Variants in PTK2 observed in about 807,000 individuals in gnomAD.
The protein encoded by PTK2 is focal adhesion kinase 1.
PTK2 carries 45 observed loss-of-function variants against 150.1 expected under a neutral mutation model. That is an observed-to-expected ratio of 0.30 (90% CI 0.24 to 0.38). The LOEUF (loss-of-function observed/expected upper bound fraction) is 0.38. Among genes scored for constraint, PTK2 ranks in the 10% least tolerant of loss-of-function variants. The pLI is 1.00. For missense variants in PTK2, 919 were observed against 1,307.3 expected, an observed-to-expected ratio of 0.70 and a Z score of 4.58; for synonymous variants, 432 against 449.2, an observed-to-expected ratio of 0.96 and a Z score of 0.48.
At chr8:140,978,646 C>T (rs2100190229) in intron 1 of PTK2, among the ~76,000 whole-genome samples, 1 of 151,548 alleles carries the variant, frequency 6.6e-6, no homozygotes, top group Admixed American at 6.6e-5. Context: ...AATAGGAACA[C>T]TTTTACACTG....
At chr8:140,926,456 G>A (rs2100169501) in intron 1 of PTK2, among the ~76,000 whole-genome samples, 1 of 152,148 alleles carries the variant, frequency 6.6e-6, no homozygotes, top group Non-Finnish European at 1.5e-5. Context: ...ATGAATCACA[G>A]TGAGGACCAA....
intron 7 of PTK2, among the ~76,000 whole-genome samples, chr8:140,841,478 A>T (rs1488767221): frequency 1.3e-5 from 2 of 152,144 alleles, no homozygotes; most frequent in African/African-American, 4.8e-5. Context: ...AAAATGTAAA[A>T]ACAGAAATGA....
At chr8:140,803,003 A>ATGTTTTTTTT (rs1596239214) in intron 11 of PTK2, among the ~76,000 whole-genome samples, 1 of 117,266 alleles carries the variant, frequency 8.5e-6, no homozygotes, top group East Asian at 3.4e-4. Flanking sequence ...CTTGATGACA[A>ATGTTTTTTTT]TCTTTTTTTT....
rs112316667 is a variant in PTK2 at position 140,695,648 on chromosome 8, C to T, written c.2499+5243G>A. Among the ~76,000 whole-genome samples, 451 of 152,240 alleles carry T rather than the reference C, an allele frequency of 3.0e-3. 2 individuals are homozygous for T. The highest frequency in any genetic ancestry group is 0.01 in the African/African-American group (427 of 41,528). On this transcript the variant is annotated intron_variant, in intron 26 of 31. Transcript: ENST00000522684. ...AACTCCTGACCTCAGATGATCCATC[C>T]GCCTCAGCCTCCCAAAGTACTGGGA...
intron 4 of PTK2, among the ~76,000 whole-genome samples, chr8:140,869,540 T>A (rs2100141297): frequency 1.3e-5 from 2 of 152,206 alleles, no homozygotes; most frequent in Admixed American, 1.3e-4. Flanking sequence ...TAATGAATGA[T>A]CACGATGTCA....
chr8:140,918,814 G>A lies in PTK2; in HGVS notation c.-33+6847C>T, dbSNP rs77189448. On this transcript the variant is annotated intron_variant, in intron 2 of 31. Coordinates refer to ENST00000522684, the Ensembl canonical transcript of PTK2. ...TTTAGAATGTCTAACTGCAGATAGA[G>A]ATTTGTATATTCTTTGGATTTGAGC... Among the ~76,000 whole-genome samples, 6 of 152,320 alleles carry A rather than the reference G, an allele frequency of 3.9e-5. No individual in the cohort carries two copies. In the East Asian group the frequency reaches 1.2e-3, roughly 29 times the overall value.
intron 7 of PTK2, among the ~76,000 whole-genome samples, chr8:140,845,858 G>A (rs1325264095): frequency 6.6e-6 from 1 of 152,082 alleles, no homozygotes; most frequent in Non-Finnish European, 1.5e-5. Context: ...AAAATTTCTA[G>A]TTATTCTAGA....
intron 7 of PTK2, among the ~76,000 whole-genome samples, chr8:140,841,214 C>G (rs2100122147): frequency 6.6e-6 from 1 of 152,078 alleles, no homozygotes; most frequent in African/African-American, 2.4e-5. Flanking sequence ...GCAAATACAA[C>G]AAAATGTTAA....
intron 1 of PTK2, among the ~76,000 whole-genome samples, chr8:140,985,575 T>C (rs1440063768): frequency 6.6e-6 from 1 of 152,162 alleles, no homozygotes. Context: ...TTTTCCCCCA[T>C]CCTTCCCCTC....
chr8:140,710,602 T>C lies in PTK2; in HGVS notation c.2143-4397A>G, dbSNP rs531559724. Among the ~76,000 whole-genome samples the C allele has an allele frequency of 3.8e-4, 58 of 151,342 alleles. No homozygotes were observed. In the South Asian group the frequency reaches 6.5e-3, roughly 17 times the overall value. On this transcript the variant is annotated intron_variant, in intron 23 of 31. Transcript: ENST00000522684. ...GTGAGAATAGCTTGAACCCGGGAGG[T>C]AGAGGTTGCGGTGAGCCGAGATCGC...
intron 26 of PTK2, among the ~76,000 whole-genome samples, chr8:140,700,617 G>C (rs979788571): frequency 6.6e-6 from 1 of 151,692 alleles, no homozygotes; most frequent in African/African-American, 2.4e-5. Flanking sequence ...CCAAGTAGCT[G>C]GGATTACAGG....
intron 1 of PTK2, among the ~76,000 whole-genome samples, chr8:140,983,465 T>G (rs1253286078): frequency 6.6e-6 from 1 of 151,910 alleles, no homozygotes; most frequent in Admixed American, 6.6e-5. Context: ...AAAGGAATAC[T>G]ATGTAGTTGT....
At chr8:140,837,296 T>C (rs1309711299) in intron 7 of PTK2, among the ~76,000 whole-genome samples, 3 of 152,148 alleles carry the variant, frequency 2.0e-5, no homozygotes, top group African/African-American at 7.2e-5. Context: ...TGGTTCTTCC[T>C]AGATTGGAAA....
chr8:140,992,217 G>A (rs989858154), intron 1 of PTK2, among the ~76,000 whole-genome samples: 4 of 150,454 alleles, frequency 2.7e-5, no homozygotes, highest in African/African-American at 4.9e-5. Flanking sequence ...GCTTGAACCC[G>A]AGAGGCAGAG....
At chr8:140,793,029 TA>T (rs2100089424) in intron 13 of PTK2, among the ~76,000 whole-genome samples, 1 of 152,220 alleles carries the variant, frequency 6.6e-6, no homozygotes, top group Non-Finnish European at 1.5e-5. Context: ...TTCATACTTG[TA>T]AAATAGCCAG....
chr8:140,834,639 G>A (rs1597855800), intron 7 of PTK2, among the ~76,000 whole-genome samples: 2 of 152,232 alleles, frequency 1.3e-5, no homozygotes, highest in Admixed American at 6.5e-5. Context: ...TAGAAAAATC[G>A]CTAATATGTT....
At chr8:140,794,341 G>C (rs949813529) in intron 12 of PTK2, among the ~76,000 whole-genome samples, 9 of 152,178 alleles carry the variant, frequency 5.9e-5, no homozygotes, top group Non-Finnish European at 1.3e-4. Flanking sequence ...CGTGTCTGTG[G>C]GGTGGTATGG....
chr8:140,925,089 CCTAA>C (rs1182787676), intron 2 of PTK2, among the ~76,000 whole-genome samples: 1 of 151,922 alleles, frequency 6.6e-6, no homozygotes, highest in Non-Finnish European at 1.5e-5. Flanking sequence ...AAAATACCAG[CCTAA>C]CTTTCACATT....
At chr8:140,800,103 G>T (rs1016771325) in intron 12 of PTK2, among the ~76,000 whole-genome samples, 2 of 152,102 alleles carry the variant, frequency 1.3e-5, no homozygotes, top group African/African-American at 4.8e-5. Context: ...TTTATTTATA[G>T]TGAGTTATAA....
Sources: gnomAD v4.1 joint callset for allele counts (sites outside exome capture counted in the v4.1 genomes callset) on GRCh38, gnomAD v4.1.1 for gene constraint, MANE v1.5 for transcripts, NCBI Gene and HGNC (gene_info 2026-07-23, HGNC 2026-07-21) for gene names.